ROBO1: variants seen among roughly 807,000 people sequenced by gnomAD.
The protein encoded by ROBO1 is roundabout homolog 1.
ROBO1 carries 149 observed loss-of-function variants against 195.9 expected under a neutral mutation model. The observed-to-expected ratio is 0.76, with a 90% CI of 0.67 to 0.87. The LOEUF (loss-of-function observed/expected upper bound fraction) is 0.87, where lower values mean the gene tolerates loss of function less well. ROBO1 is among the 40% of genes least tolerant of loss of function. ROBO1 has a pLI of 0.00. For missense variants in ROBO1, 1,933 were observed against 2,068.3 expected, an observed-to-expected ratio of 0.93 and a Z score of 1.27; for synonymous variants, 816 against 733.2, an observed-to-expected ratio of 1.11 and a Z score of -1.82.
chr3:78,675,270 C>A (rs1708339879), intron 10 of ROBO1, among the ~76,000 whole-genome samples: 2 of 152,022 alleles, frequency 1.3e-5, no homozygotes, highest in South Asian at 4.2e-4. Flanking sequence ...GCATTTCTAT[C>A]TGAGGTACCG....
At chr3:79,737,043 A>G (rs1219774901) in intron 1 of ROBO1, among the ~76,000 whole-genome samples, 1 of 152,212 alleles carries the variant, frequency 6.6e-6, no homozygotes, top group Non-Finnish European at 1.5e-5. Context: ...AATGGCTCTT[A>G]CAGTACATCC....
intron 3 of ROBO1, among the ~76,000 whole-genome samples, chr3:79,113,432 G>C (rs2079929393): frequency 6.6e-6 from 1 of 151,722 alleles, no homozygotes; most frequent in African/African-American, 2.4e-5. Flanking sequence ...TCACTCTATA[G>C]TAAATATAAA....
intron 26 of ROBO1, among the ~76,000 whole-genome samples, chr3:78,621,653 C>T (rs766637782): frequency 5.3e-5 from 8 of 152,216 alleles, no homozygotes; most frequent in Non-Finnish European, 8.8e-5. Context: ...ATGCTGCACT[C>T]AAGTGGGACT....
At chr3:79,135,854 A>G (rs2108598083) in intron 2 of ROBO1, among the ~76,000 whole-genome samples, 1 of 152,182 alleles carries the variant, frequency 6.6e-6, no homozygotes, top group South Asian at 2.1e-4. Context: ...TCAGGCTGTT[A>G]TCGAACTCCA....
intron 2 of ROBO1, among the ~76,000 whole-genome samples, chr3:79,232,342 T>TA (rs1280788705): frequency 5.0e-4 from 71 of 143,038 alleles, no homozygotes; most frequent in African/African-American, 1.4e-3. Context: ...TAGTGTGCAC[T>TA]AAAAAAAAAT....
chr3:79,706,385 T>C (rs1347338415), intron 1 of ROBO1, among the ~76,000 whole-genome samples: 1 of 152,202 alleles, frequency 6.6e-6, no homozygotes, highest in African/African-American at 2.4e-5. Flanking sequence ...ACAATTTTTC[T>C]GTATTTATGG....
At chr3:79,502,119 T>TA (rs999080011) in intron 2 of ROBO1, among the ~76,000 whole-genome samples, 31 of 152,190 alleles carry the variant, frequency 2.0e-4, no homozygotes, top group Non-Finnish European at 2.2e-4. Context: ...CCTCACTCGT[T>TA]ATCCGCGCCT....
intron 3 of ROBO1, among the ~76,000 whole-genome samples, chr3:79,062,888 G>A (rs753522250): frequency 2.6e-5 from 4 of 151,878 alleles, no homozygotes; most frequent in African/African-American, 7.3e-5. Flanking sequence ...TGTAAATGAC[G>A]AGTTGATGGG....
At chr3:79,502,606 G>C (rs1235706365) in intron 2 of ROBO1, among the ~76,000 whole-genome samples, 1 of 152,162 alleles carries the variant, frequency 6.6e-6, no homozygotes, top group African/African-American at 2.4e-5. Context: ...GAGGAGTGCA[G>C]GCGCACAGCG....
intron 2 of ROBO1, among the ~76,000 whole-genome samples, chr3:79,491,097 T>C (rs192228712): frequency 6.6e-5 from 10 of 152,226 alleles, no homozygotes; most frequent in African/African-American, 1.9e-4. Flanking sequence ...CAGGAGCCTT[T>C]TGTTAAAGGG....
chr3:78,963,518 T>C (rs2041506548), intron 3 of ROBO1, among the ~76,000 whole-genome samples: 1 of 118,558 alleles, frequency 8.4e-6, no homozygotes, highest in Non-Finnish European at 1.7e-5. Context: ...TTTTTTTTTT[T>C]TTCTTTTTTT....
At chr3:79,224,613 C>G (rs1273092682) in intron 2 of ROBO1, among the ~76,000 whole-genome samples, 1 of 152,184 alleles carries the variant, frequency 6.6e-6, no homozygotes, top group Non-Finnish European at 1.5e-5. Context: ...TGCCCTCTAA[C>G]CCTGGAGGGT....
chr3:79,721,249 T>G (rs989721633), intron 1 of ROBO1, among the ~76,000 whole-genome samples: 11 of 152,210 alleles, frequency 7.2e-5, no homozygotes, highest in Admixed American at 6.5e-4. Context: ...GTGATAATTA[T>G]GGAGATAATT....
chr3:79,470,392 A>G (rs1375891928), intron 2 of ROBO1, among the ~76,000 whole-genome samples: 1 of 152,206 alleles, frequency 6.6e-6, no homozygotes, highest in African/African-American at 2.4e-5. Flanking sequence ...AGGGAACATC[A>G]CATACTGGGG....
At chr3:79,664,206 T>G (rs1004400052) in intron 1 of ROBO1, among the ~76,000 whole-genome samples, 1 of 152,080 alleles carries the variant, frequency 6.6e-6, no homozygotes, top group African/African-American at 2.4e-5. Flanking sequence ...GGGTCAATGA[T>G]CACCTCTTAG....
At chr3:78,827,329 A>G (rs539062063) in intron 4 of ROBO1, among the ~76,000 whole-genome samples, 7 of 152,294 alleles carry the variant, frequency 4.6e-5, no homozygotes, top group African/African-American at 1.7e-4. Flanking sequence ...GGGATAGTCT[A>G]CTTCACTACA....
intron 3 of ROBO1, among the ~76,000 whole-genome samples, chr3:78,957,644 A>G (rs2041118612): frequency 6.6e-6 from 1 of 152,208 alleles, no homozygotes; most frequent in South Asian, 2.1e-4. Context: ...CCTGAGGCGC[A>G]TAGCTGCTCA....
At chr3:79,248,692 C>A (rs1024282576) in intron 2 of ROBO1, among the ~76,000 whole-genome samples, 1 of 151,998 alleles carries the variant, frequency 6.6e-6, no homozygotes, top group Admixed American at 6.6e-5. Context: ...ATGTTTCTGG[C>A]AAAAAGATGA....
At chr3:78,811,553 A>C (rs1409380467) in intron 4 of ROBO1, among the ~76,000 whole-genome samples, 2 of 152,132 alleles carry the variant, frequency 1.3e-5, no homozygotes, top group Non-Finnish European at 2.9e-5. Flanking sequence ...AATTGCCCTG[A>C]AAATAGAATC....
Sources: gnomAD v4.1 joint callset for allele counts (sites outside exome capture counted in the v4.1 genomes callset) on GRCh38, gnomAD v4.1.1 for gene constraint, MANE v1.5 for transcripts, NCBI Gene and HGNC (gene_info 2026-07-23, HGNC 2026-07-21) for gene names.